PSD4: variants seen among roughly 807,000 people sequenced by gnomAD.
The protein encoded by PSD4 is pleckstrin and Sec7 domain containing 4.
PSD4 carries 59 observed loss-of-function variants against 112.5 expected under a neutral mutation model. That is an observed-to-expected ratio of 0.52 (90% CI 0.43 to 0.65). The LOEUF (loss-of-function observed/expected upper bound fraction) is 0.65, where lower values mean the gene tolerates loss of function less well. Ranked by LOEUF, PSD4 falls within the 30% of genes least tolerant of loss-of-function variation. The pLI is 0.00. For synonymous variants in PSD4, 533 were observed against 540.0 expected (o/e 0.99, Z 0.18); for missense variants, 1,267 against 1,352.6 (o/e 0.94, Z 0.99).
rs963079990 is a variant in PSD4 at position 113,192,954 on chromosome 2, C to A, written c.1839-94C>A. 5 of 1,245,530 alleles carry A rather than the reference C, an allele frequency of 4.0e-6. No homozygotes were observed. The African/African-American group carries it at 6.0e-5, about 15-fold the overall frequency. The allele number at this position is 1,245,530 out of a possible 1,614,324, so 77.2% of individuals were successfully genotyped here. On this transcript the variant is annotated intron_variant, in intron 6 of 16. Coordinates refer to ENST00000245796, the MANE Select transcript of PSD4 (RefSeq NM_012455.3). ...TGCACCCTTCCCTTGCTCACCCCCACCGCATAATGTGTGCAGGCCCTGGGG... is the reference window on the plus strand; with the variant it reads ...TGCACCCTTCCCTTGCTCACCCCCAACGCATAATGTGTGCAGGCCCTGGGG...
intron 1 of PSD4, among the ~76,000 whole-genome samples, chr2:113,177,242 C>T (rs1366893992): frequency 1.3e-5 from 2 of 152,154 alleles, no homozygotes; most frequent in African/African-American, 2.4e-5. Context: ...CGTGGGGAAG[C>T]CTTCATATTA....
At position 113,208,746 on chromosome 2, in the gene PSD4, T is replaced by C. The variant is rs76895087; in HGVS notation, c.*7331T>C. On this transcript the variant is annotated 3_prime_UTR_variant, in exon 17 of 17. Transcript: ENST00000245796. ...CCTCCCTCTACATGTCCACATTCGC[T>C]GCTCTGACCCTGAGTTGGACCCAGC... 1 of 152,294 alleles carries C rather than the reference T, an allele frequency of 6.6e-6. No individual in the cohort carries two copies. The allele number at this position is 152,294 out of a possible 1,614,324, so 9.4% of individuals were successfully genotyped here. A position where few individuals can be genotyped will look rare whatever the true frequency, so the allele number is the denominator to read the frequency against.
chr2:113,198,223 C>T (rs1688666174), intron 14 of PSD4: 1 of 352,232 alleles, frequency 2.8e-6, no homozygotes, highest in East Asian at 4.5e-5. Flanking sequence ...TTGACCATAT[C>T]TGGCATTTGT....
chr2:113,193,764 G>A (rs1387882738), intron 9 of PSD4, 95 bp from the exon 10 acceptor site: 11 of 1,557,836 alleles, frequency 7.1e-6, no homozygotes, highest in African/African-American at 1.4e-5. Flanking sequence ...ATGTGGGCCT[G>A]GGGAGCTGGA....
Position 113,202,123 on chromosome 2 carries a change from T to G in PSD4, c.*708T>G, listed in dbSNP as rs1688792165. The G allele has an allele frequency of 7.2e-6, 1 of 139,402 alleles. No homozygotes were observed. The highest frequency in any genetic ancestry group is 1.6e-5 in the Non-Finnish European group (1 of 64,434). The allele number at this position is 139,402 out of a possible 1,614,324, so 8.6% of individuals were successfully genotyped here. A position where few individuals can be genotyped will look rare whatever the true frequency, so the allele number is the denominator to read the frequency against. ...TTCCCCCGAAGTAGATGAAACAGTC[T>G]CACATACCCAACTGCTCATCAACAG... On this transcript the variant is annotated 3_prime_UTR_variant, in exon 17 of 17. Transcript: ENST00000245796.
At chr2:113,179,505 G>A (rs1033719622) in intron 1 of PSD4, among the ~76,000 whole-genome samples, 1 of 152,212 alleles carries the variant, frequency 6.6e-6, no homozygotes, top group Non-Finnish European at 1.5e-5. Flanking sequence ...TCCATAAAAT[G>A]AGGGCAAGTT....
At chr2:113,198,718 C>T in intron 14 of PSD4, 22 bp from the exon 15 acceptor site, 1 of 1,519,172 alleles carries the variant, frequency 6.6e-7, no homozygotes, top group Non-Finnish European at 8.8e-7. Context: ...TCCCCGGGGA[C>T]CAACGACCTC....
Position 113,182,784 on chromosome 2 carries a change from G to A in PSD4, c.328G>A (p.Gly110Ser), listed in dbSNP as rs774399641. ...TRQDAPPWGS[G>S]VELTHLGSPS... is the part of the protein sequence containing the mutation. ...ACAAGATGCTCCTCCCTGGGGCTCC[G>A]GTGTGGAGCTCACACACCTGGGGAG... Residue 110 changes from glycine to serine, a missense_variant, in exon 2 of 17, where the codon GGT becomes AGT. Coordinates refer to ENST00000245796, the MANE Select transcript of PSD4 (RefSeq NM_012455.3). 1.1e-5 allele frequency: 18 copies of A among 1,597,732 alleles called. No individual in the cohort carries two copies. In the Middle Eastern group the frequency reaches 5.0e-4, roughly 45 times the overall value.
intron 1 of PSD4, among the ~76,000 whole-genome samples, chr2:113,179,365 C>T (rs974685873): frequency 6.6e-6 from 1 of 151,970 alleles, no homozygotes; most frequent in East Asian, 1.9e-4. Flanking sequence ...AGAGGCAGAA[C>T]CTAGAATGAT....
chr2:113,176,245 T>C (rs1435565302), intron 1 of PSD4, among the ~76,000 whole-genome samples: 2 of 152,178 alleles, frequency 1.3e-5, no homozygotes, highest in Non-Finnish European at 2.9e-5. Flanking sequence ...GGGTGCCAGG[T>C]GTCAGCTGGG....
chr2:113,205,969 T>G lies in PSD4; in HGVS notation c.*4554T>G, dbSNP rs1182233604. ...CACCAGCTAACTGTGGCTTGCACCT[T>G]TACCTGTTCCCTTCATTTTCCCTTC... On this transcript the variant is annotated 3_prime_UTR_variant, in exon 17 of 17. Transcript: ENST00000245796. 1 of 152,336 alleles carries G rather than the reference T, an allele frequency of 6.6e-6. No homozygotes were observed. Among genetic ancestry groups the G allele is most frequent in the East Asian group, 1.9e-4 (1 of 5,174 alleles). The allele number at this position is 152,336 out of a possible 1,614,324, so 9.4% of individuals were successfully genotyped here. A position where few individuals can be genotyped will look rare whatever the true frequency, so the allele number is the denominator to read the frequency against.
In PSD4 at chr2:113,186,103, C is replaced by A. The variant is rs1471857006; in HGVS notation, c.1476C>A (p.Leu492=). Residue 492 remains leucine, a synonymous_variant, in exon 5 of 17, where the codon CTC becomes CTA. Coordinates refer to ENST00000245796, the MANE Select transcript of PSD4 (RefSeq NM_012455.3). ...KWTLDASQSS[L]LETDGEQPSS... ...CACTAGATGCTTCACAGTCTTCACTCTTGGAGACGGATGGGGAACAGCCAA... is the reference window on the plus strand; with the variant it reads ...CACTAGATGCTTCACAGTCTTCACTATTGGAGACGGATGGGGAACAGCCAA... The A allele has an allele frequency of 2.5e-6, 4 of 1,614,238 alleles. No homozygotes were observed. Among genetic ancestry groups the A allele is most frequent in the Non-Finnish European group, 1.7e-6 (2 of 1,180,048 alleles).
At position 113,193,310 on chromosome 2, in the gene PSD4, A is replaced by C. The variant is rs45574835; in HGVS notation, c.1972A>C (p.Ile658Leu). Residue 658 changes from isoleucine to leucine, a missense_variant, in exon 8 of 17, where the codon ATC becomes CTC. Ile to Leu is a conservative substitution (Grantham distance 5, BLOSUM62 2). This residue lies in a region of PSD4 where 544 missense variants were observed against 648.6 expected (regional missense o/e 0.84). Coordinates refer to ENST00000245796, the MANE Select transcript of PSD4 (RefSeq NM_012455.3). ...LSGETQERERILYQFSRRFHH... is the reference protein window; with the variant it reads ...LSGETQERERLLYQFSRRFHH... ...TGGGGAGACTCAGGAACGGGAGCGAATCCTCTACCAGTTCTCCAGACGCTT... is the reference window on the plus strand; with the variant it reads ...TGGGGAGACTCAGGAACGGGAGCGACTCCTCTACCAGTTCTCCAGACGCTT... 6.3e-7 allele frequency: 1 copy of C among 1,598,008 alleles called. No homozygotes were observed. The highest frequency in any genetic ancestry group is 1.1e-5 in the South Asian group (1 of 88,816).
In PSD4 at chr2:113,201,524, C is replaced by A; in HGVS notation, c.*109C>A. The stretch of plus-strand genomic sequence containing the variant: ...GTCCACCATGACGGATGAGGCACCT[C>A]CTTTCCCTGCTGAAGGACAAACCTT... On this transcript the variant is annotated 3_prime_UTR_variant, in exon 17 of 17. Coordinates refer to ENST00000245796, the MANE Select transcript of PSD4 (RefSeq NM_012455.3). The A allele has an allele frequency of 7.1e-7, 1 of 1,416,184 alleles. No individual in the cohort carries two copies. Among genetic ancestry groups the A allele is most frequent in the South Asian group, 1.3e-5 (1 of 75,030 alleles). The allele number at this position is 1,416,184 out of a possible 1,614,324, so 87.7% of individuals were successfully genotyped here. A position where few individuals can be genotyped will look rare whatever the true frequency, so the allele number is the denominator to read the frequency against.
intron 5 of PSD4, among the ~76,000 whole-genome samples, chr2:113,186,569 A>G (rs931749756): frequency 3.9e-5 from 6 of 152,202 alleles, no homozygotes; most frequent in African/African-American, 1.4e-4. Flanking sequence ...GAACCTGAGC[A>G]AGGGCGTGTG....
At position 113,207,380 on chromosome 2, in the gene PSD4, A is replaced by G. The variant is rs1688877703; in HGVS notation, c.*5965A>G. On this transcript the variant is annotated 3_prime_UTR_variant, in exon 17 of 17. Coordinates refer to ENST00000245796, the MANE Select transcript of PSD4 (RefSeq NM_012455.3). ...ATATGCAGATGCCCTTTCCTCCAAG[A>G]GGCCTTCCCTAAGTCTTCCTCCTTC... 1 of 151,182 alleles carries G rather than the reference A, an allele frequency of 6.6e-6. No individual in the cohort carries two copies. Among genetic ancestry groups the G allele is most frequent in the African/African-American group, 2.4e-5 (1 of 41,126 alleles). 9.4% of individuals were successfully genotyped at this position (151,182 alleles called of 1,614,324 possible). A position where few individuals can be genotyped will look rare whatever the true frequency, so the allele number is the denominator to read the frequency against.
In PSD4 at chr2:113,185,972, C is replaced by T; in HGVS notation, c.1345C>T (p.Pro449Ser). 6.2e-7 allele frequency: 1 copy of T among 1,614,136 alleles called. No individual in the cohort carries two copies. Among genetic ancestry groups the T allele is most frequent in the Non-Finnish European group, 8.5e-7 (1 of 1,179,962 alleles). Reference sequence around the variant, plus strand: ...AGCTTCTTCTCCAGAGCCTAGCAGCCCAGAATCTGAGAGCAGAGGCCCTGG... The same window carrying T: ...AGCTTCTTCTCCAGAGCCTAGCAGCTCAGAATCTGAGAGCAGAGGCCCTGG... Reference protein sequence around the residue: ...SPASSPEPSSPESESRGPGPR... With the variant: ...SPASSPEPSSSESESRGPGPR... Residue 449 changes from proline (P) to serine (S), a missense_variant, in exon 5 of 17, where the codon CCA becomes TCA. Transcript: ENST00000245796.
At chr2:113,198,611 G>A (rs887986790) in intron 14 of PSD4, 129 bp from the exon 15 acceptor site, 145 of 1,161,628 alleles carry the variant, frequency 1.2e-4, no homozygotes, top group Non-Finnish European at 1.6e-4. Flanking sequence ...GCTAGTGGCA[G>A]GGCTGTAACT....
rs752432291 is a variant in PSD4 at position 113,186,021 on chromosome 2, C to A, written c.1394C>A (p.Ser465Tyr). 1 of 1,614,242 alleles carries A rather than the reference C, an allele frequency of 6.2e-7. No homozygotes were observed. The highest frequency in any genetic ancestry group is 1.7e-5 in the Admixed American group (1 of 60,032). The change falls in exon 5 of 17, where the codon TCC (serine) becomes TAC (tyrosine). Residue 465 changes from serine (S) to tyrosine (Y), a missense_variant. Physicochemically the swap from Ser to Tyr is moderately radical, Grantham distance 144 (BLOSUM62 -2). Transcript: ENST00000245796. Reference protein sequence around the residue: ...GPGPRPSPASSQEGSPQLQHH... With the variant: ...GPGPRPSPASYQEGSPQLQHH... ...GGTCCCAGGCCCAGCCCTGCATCGT[C>A]CCAGGAGGGCAGCCCGCAGCTTCAA...
Sources: allele counts gnomAD v4.1 joint callset (sites outside exome capture counted in the v4.1 genomes callset), GRCh38; gene constraint gnomAD v4.1.1; regional missense constraint gnomAD v4.1.1; transcripts MANE v1.5; gene names NCBI Gene and HGNC (gene_info 2026-07-23, HGNC 2026-07-21).